The following TF variants were observed in gnomAD, a reference collection of about 807,000 sequenced individuals.
TF encodes transferrin.
TF carries 55 observed loss-of-function variants against 82.4 expected under a neutral mutation model. That is an observed-to-expected ratio of 0.67 (90% CI 0.54 to 0.84). TF has a LOEUF of 0.84. Among genes scored for constraint, TF ranks in the 40% least tolerant of loss-of-function variants. TF has a pLI of 0.00. For synonymous variants in TF, 332 were observed against 332.6 expected (o/e 1.00, Z 0.02); for missense variants, 737 against 868.4 (o/e 0.85, Z 1.90).
the TF span, among the ~76,000 whole-genome samples, chr3:133,663,485 G>A: frequency 4.0e-5 from 6 of 150,046 alleles, no homozygotes; most frequent in African/African-American, 9.8e-5. Context: ...CTAGAGGTGG[G>A]AAAAAAAAGA....
rs776557789 is a variant in TF at position 133,759,917 on chromosome 3, A to G, written c.1203+588A>G. Among the ~76,000 whole-genome samples, 3 of 152,246 alleles carry G rather than the reference A, an allele frequency of 2.0e-5. 1 individual carries two copies. Among genetic ancestry groups the G allele is most frequent in the Admixed American group, 2.0e-4 (3 of 15,290 alleles). On this transcript the variant is annotated intron_variant, in intron 9 of 16. Coordinates refer to ENST00000402696, the MANE Select transcript of TF (RefSeq NM_001063.4). The stretch of plus-strand genomic sequence containing the variant: ...AAAGAAGAAATAAAAAGTACTTATA[A>G]TCATGTAATTCAGAGAAAATTCCCT...
chr3:133,708,033 T>C, the TF span, among the ~76,000 whole-genome samples: 1,275 of 152,210 alleles, frequency 8.4e-3, 19 homozygotes, highest in African/African-American at 0.029. Flanking sequence ...CATTAAAAAA[T>C]AACTCATTAA....
chr3:133,755,337 G>C, intron 4 of TF, 26 bp from the exon 5 acceptor site: 2 of 1,614,160 alleles, frequency 1.2e-6, no homozygotes, highest in Non-Finnish European at 1.7e-6. Context: ...CTCATGCTCT[G>C]TTGTCCATTT....
the TF span, among the ~76,000 whole-genome samples, chr3:133,674,440 G>A: frequency 6.6e-6 from 1 of 152,210 alleles, no homozygotes; most frequent in African/African-American, 2.4e-5. Context: ...CCCACGGAGG[G>A]CACAAGCTGC....
the TF span, among the ~76,000 whole-genome samples, chr3:133,686,541 T>G: frequency 6.6e-6 from 1 of 152,122 alleles, no homozygotes; most frequent in Non-Finnish European, 1.5e-5. Flanking sequence ...GGGCAGAGGA[T>G]ATGAACAGAC....
the TF span, among the ~76,000 whole-genome samples, chr3:133,724,826 C>T: frequency 2.0e-5 from 3 of 152,022 alleles, no homozygotes; most frequent in Non-Finnish European, 4.4e-5. Flanking sequence ...TTGAATTAAT[C>T]TTTGTATAAG....
rs746556611 is a variant in TF at position 133,759,365 on chromosome 3, G to A, written c.1203+36G>A. ...CCAGCCTTCCTAGGGCAGCGTCCCT[G>A]TCATTGCTGCCTGCTGGCCCCCAAG... On this transcript the variant is annotated intron_variant, in intron 9 of 16. Coordinates refer to ENST00000402696, the MANE Select transcript of TF (RefSeq NM_001063.4). 5 of 1,610,976 alleles carry A rather than the reference G, an allele frequency of 3.1e-6. No homozygotes were observed. In the South Asian group the frequency reaches 4.4e-5, roughly 14 times the overall value.
At chr3:133,745,365 T>C (rs1385287365), upstream of TF, among the ~76,000 whole-genome samples, 2 of 152,236 alleles carry the variant, frequency 1.3e-5, no homozygotes, top group Non-Finnish European at 2.9e-5. Context: ...ATATTATGCC[T>C]TGAGATAATA....
the TF span, among the ~76,000 whole-genome samples, chr3:133,704,474 C>G: frequency 6.6e-6 from 1 of 152,116 alleles, no homozygotes; most frequent in Non-Finnish European, 1.5e-5. Context: ...TCTCCTGGAG[C>G]CAGAAACAAT....
Position 133,753,965 on chromosome 3 carries a change from G to A in TF, c.325+262G>A, listed in dbSNP as rs182172270. 62 of 577,086 alleles carry A rather than the reference G, an allele frequency of 1.1e-4. 1 individual carries two copies. The Admixed American group carries it at 1.2e-3, about 12-fold the overall frequency. The allele number at this position is 577,086 out of a possible 1,614,324, so 35.7% of individuals were successfully genotyped here. ...ATCAGAGAAACACAGCAGGCTGTGT[G>A]CAGCTTGACCTGAAGGCTACTGCGG... On this transcript the variant is annotated intron_variant, in intron 3 of 16. Coordinates refer to ENST00000402696, the MANE Select transcript of TF (RefSeq NM_001063.4).
the TF span, among the ~76,000 whole-genome samples, chr3:133,672,798 GA>G: frequency 6.7e-6 from 1 of 149,492 alleles, no homozygotes; most frequent in Middle Eastern, 3.5e-3. Context: ...AAAAAGGAAA[GA>G]AGAGAGAAAG....
chr3:133,764,288 G>C lies in TF; in HGVS notation c.1297+13G>C. ...GAAAACTACAATAGTAAGTGGTGGG[G>C]AGCACCTCTCTGTGTTTTCTTCCCT... On this transcript the variant is annotated intron_variant, in intron 10 of 16. Coordinates refer to ENST00000402696, the MANE Select transcript of TF (RefSeq NM_001063.4). 1 of 1,604,566 alleles carries C rather than the reference G, an allele frequency of 6.2e-7. No homozygotes were observed. Among genetic ancestry groups the C allele is most frequent in the Non-Finnish European group, 8.5e-7 (1 of 1,171,436 alleles).
rs545096501 is a variant in TF at position 133,787,361 on chromosome 3, G to A, written c.*8741G>A. Reference sequence around the variant, plus strand: ...CTGTCCACTGGATTGAAGACAGAGAGAAGGGAGTGAGGAAGGACTGGTTCA... The same window carrying A: ...CTGTCCACTGGATTGAAGACAGAGAAAAGGGAGTGAGGAAGGACTGGTTCA... On this transcript the variant is annotated 3_prime_UTR_variant, in exon 17 of 17. Coordinates refer to ENST00000402696, the MANE Select transcript of TF (RefSeq NM_001063.4). The A allele has an allele frequency of 6.6e-6, 1 of 152,322 alleles. No individual in the cohort carries two copies. Among genetic ancestry groups the A allele is most frequent in the South Asian group, 2.1e-4 (1 of 4,824 alleles). 9.4% of individuals were successfully genotyped at this position (152,322 alleles called of 1,614,324 possible).
At chr3:133,679,733 G>A in the TF span, among the ~76,000 whole-genome samples, 98 of 152,062 alleles carry the variant, frequency 6.4e-4, no homozygotes, top group South Asian at 1.2e-3. Context: ...TGTTTAGATT[G>A]TCTCCCATTT....
chr3:133,758,605 C>T (rs1933902958), intron 8 of TF, among the ~76,000 whole-genome samples: 1 of 152,118 alleles, frequency 6.6e-6, no homozygotes, highest in African/African-American at 2.4e-5. Flanking sequence ...TACCATGGCC[C>T]TATGAGACTG....
the TF span, among the ~76,000 whole-genome samples, chr3:133,730,397 C>T: frequency 6.6e-6 from 1 of 152,220 alleles, no homozygotes; most frequent in African/African-American, 2.4e-5. Context: ...CCTGGAGTTT[C>T]ACCTGCTACA....
chr3:133,723,270 G>A, the TF span, among the ~76,000 whole-genome samples: 1 of 152,102 alleles, frequency 6.6e-6, no homozygotes, highest in Non-Finnish European at 1.5e-5. Flanking sequence ...TTTTTGGGTT[G>A]AATCTAGATG....
At chr3:133,748,647 T>C in intron 2 of TF, 63 bp downstream of exon 2, 2 of 1,587,118 alleles carry the variant, frequency 1.3e-6, no homozygotes, top group Non-Finnish European at 1.7e-6. Context: ...TCCAGTCACT[T>C]TGGAACAATT....
At chr3:133,725,387 G>T in the TF span, among the ~76,000 whole-genome samples, 2 of 152,200 alleles carry the variant, frequency 1.3e-5, no homozygotes, top group South Asian at 2.1e-4. Context: ...TTGTAAGTTG[G>T]ATTCCTAGGT....
Sources: gnomAD v4.1 joint callset for allele counts (sites outside exome capture counted in the v4.1 genomes callset) on GRCh38, gnomAD v4.1.1 for gene constraint, MANE v1.5 for transcripts, NCBI Gene and HGNC (gene_info 2026-07-23, HGNC 2026-07-21) for gene names.